Variants in CSF2RB observed in about 807,000 individuals in gnomAD.
CSF2RB encodes colony stimulating factor 2 receptor subunit beta, also known as cytokine receptor common subunit beta.
In CSF2RB, 22 loss-of-function variants were observed where a neutral mutation model predicts 67.2. The ratio of observed to expected loss-of-function variants is 0.33; its 90% CI spans 0.23 to 0.47. CSF2RB has a LOEUF of 0.47. Ranked by LOEUF, CSF2RB falls within the 20% of genes least tolerant of loss-of-function variation. CSF2RB has a pLI of 1.00. For synonymous variants in CSF2RB, 507 were observed against 482.9 expected, an observed-to-expected ratio of 1.05 and a Z score of -0.65; for missense variants, 1,113 against 1,174.5, an observed-to-expected ratio of 0.95 and a Z score of 0.76.
chr22:36,919,793 T>C (rs1479275683), intron 1 of CSF2RB, among the ~76,000 whole-genome samples: 3 of 152,224 alleles, frequency 2.0e-5, no homozygotes, highest in African/African-American at 7.2e-5. Flanking sequence ...TGTCTTCTTT[T>C]AAATGGCTAT....
chr22:36,925,302 C>A (rs1254385591), intron 3 of CSF2RB, among the ~76,000 whole-genome samples: 1 of 152,216 alleles, frequency 6.6e-6, no homozygotes, highest in African/African-American at 2.4e-5. Context: ...CACGCCACTT[C>A]CTGTCACCTG....
In CSF2RB at chr22:36,930,503, G is replaced by A; in HGVS notation, c.847G>A (p.Asp283Asn). The A allele has an allele frequency of 6.2e-7, 1 of 1,613,436 alleles. No homozygotes were observed. Among genetic ancestry groups the A allele is most frequent in the East Asian group, 2.2e-5 (1 of 44,882 alleles). The change falls in exon 7 of 14, where the codon GAT (aspartate) becomes AAT (asparagine). Residue 283 changes from aspartate (D) to asparagine (N), a missense_variant. Physicochemically the swap from Asp to Asn is conservative, Grantham distance 23. Around this residue, in one of 2 missense-constraint regions of CSF2RB, gnomAD observed 559 missense variants for 656.5 expected, o/e 0.85. Transcript: ENST00000403662. ...SFGLFYKPSP[D>N]AGEEECSPVL... ...TGGCCTATTCTACAAGCCCAGCCCA[G>A]ATGCAGGGTGAGCATCTTTTTTCTC...
intron 4 of CSF2RB, among the ~76,000 whole-genome samples, chr22:36,927,519 G>T (rs1214994966): frequency 2.0e-5 from 3 of 152,304 alleles, no homozygotes; most frequent in South Asian, 4.1e-4. Context: ...AGAGGCTGGG[G>T]GATCAGAAGG....
intron 6 of CSF2RB, 90 bp downstream of exon 6, chr22:36,929,897 T>G: frequency 1.3e-6 from 2 of 1,506,234 alleles, no homozygotes; most frequent in Non-Finnish European, 1.8e-6. Context: ...GGGCTCCACC[T>G]GGGGGCTTCC....
chr22:36,914,195 T>C (rs1940660379), intron 1 of CSF2RB, among the ~76,000 whole-genome samples: 1 of 152,064 alleles, frequency 6.6e-6, no homozygotes, highest in Non-Finnish European at 1.5e-5. Flanking sequence ...TTTGTGTGTG[T>C]GCCTGTGTGT....
intron 3 of CSF2RB, 36 bp downstream of exon 3, chr22:36,923,403 G>C: frequency 6.2e-7 from 1 of 1,606,774 alleles, no homozygotes; most frequent in Non-Finnish European, 8.5e-7. Flanking sequence ...ACGGGCAGGG[G>C]CTACGACGTC....
In CSF2RB at chr22:36,939,171, G is replaced by A; in HGVS notation, c.*669G>A. The A allele has an allele frequency of 2.8e-6, 2 of 702,302 alleles. No homozygotes were observed. The highest frequency in any genetic ancestry group is 5.2e-6 in the Non-Finnish European group (2 of 384,818). 43.5% of individuals were successfully genotyped at this position (702,302 alleles called of 1,614,324 possible). A position where few individuals can be genotyped will look rare whatever the true frequency, so the allele number is the denominator to read the frequency against. On this transcript the variant is annotated 3_prime_UTR_variant, in exon 14 of 14. Transcript: ENST00000403662. ...AAGGGACGCACATGAGAGACTGTTT[G>A]GGAGCTTCTGGGGAGCCCTGCTAGT... is the stretch of plus-strand genomic sequence containing the variant.
rs563870106 is a variant in CSF2RB at position 36,929,797 on chromosome 22, C to T, written c.708C>T (p.Asp236=). The T allele has an allele frequency of 1.2e-6, 2 of 1,613,762 alleles. No individual in the cohort carries two copies. Among genetic ancestry groups the T allele is most frequent in the South Asian group, 1.1e-5 (1 of 91,038 alleles). Residue 236 remains aspartate (D), a synonymous_variant, in exon 6 of 14, where the codon GAC becomes GAT. Transcript: ENST00000403662. ...AGTGGAGCCCAGAGGTTTGCTGGGACTCCCAGCCAGGTAATGTTGCCAGAG... is the reference window on the plus strand; with the variant it reads ...AGTGGAGCCCAGAGGTTTGCTGGGATTCCCAGCCAGGTAATGTTGCCAGAG... ...PSKWSPEVCW[D]SQPGDEAQPQ...
Position 36,932,688 on chromosome 22 carries a change from T to G in CSF2RB, c.1013-77T>G. 3.9e-6 allele frequency: 6 copies of G among 1,548,828 alleles called. No individual in the cohort carries two copies. In the East Asian group the frequency reaches 9.2e-5, roughly 24 times the overall value. The stretch of plus-strand genomic sequence containing the variant: ...CTGGTGCCAGTGGAGACAGCCCCAG[T>G]GTCTAGCATGAGACACGGGGAATGT... On this transcript the variant is annotated intron_variant, in intron 8 of 13. Transcript: ENST00000403662.
At position 36,922,181 on chromosome 22, in the gene CSF2RB, C is replaced by T. The variant is rs747081705; in HGVS notation, c.-27C>T. 1.9e-6 allele frequency: 3 copies of T among 1,559,438 alleles called. No homozygotes were observed. Among genetic ancestry groups the T allele is most frequent in the Admixed American group, 1.9e-5 (1 of 53,166 alleles). On this transcript the variant is annotated 5_prime_UTR_variant, in exon 2 of 14. Transcript: ENST00000403662. Reference sequence around the variant, plus strand: ...TGGCCAGCACCCACCAGTGCTGGTGCCTGCCTGTCCAGAGCTGACCAGGGA... The same window carrying T: ...TGGCCAGCACCCACCAGTGCTGGTGTCTGCCTGTCCAGAGCTGACCAGGGA...
rs947835858 is a variant in CSF2RB, at chr22:36,939,350, C to G, written c.*848C>G. ...TCTACTGCGGAAAAGTCAGGGGAAA[C>G]TGCCAAACAAAGGAAAATGCCCCAA... is the stretch of plus-strand genomic sequence containing the variant. On this transcript the variant is annotated 3_prime_UTR_variant, in exon 14 of 14. Coordinates refer to ENST00000403662, the MANE Select transcript of CSF2RB (RefSeq NM_000395.3). 30 of 688,732 alleles carry G rather than the reference C, an allele frequency of 4.4e-5. No individual in the cohort carries two copies. Among genetic ancestry groups the G allele is most frequent in the Non-Finnish European group, 6.1e-5 (23 of 377,778 alleles). 42.7% of individuals were successfully genotyped at this position (688,732 alleles called of 1,614,324 possible).
Position 36,922,220 on chromosome 22 carries a change from CA to C in CSF2RB, c.14del (p.Gln5ArgfsTer55). 2 of 1,589,648 alleles carry C rather than the reference CA, an allele frequency of 1.3e-6. No individual in the cohort carries two copies. The highest frequency in any genetic ancestry group is 1.7e-6 in the Non-Finnish European group (2 of 1,168,814). On this transcript the variant is annotated frameshift_variant, in exon 2 of 14. Coordinates refer to ENST00000403662, the MANE Select transcript of CSF2RB (RefSeq NM_000395.3). LOFTEE classifies it high-confidence loss of function. ...GCTGACCAGGGAGATGGTGCTGGCC[CA>C]GGGGCTGCTCTCCATGGCCCTGCTG... Reference protein sequence around the residue: MVLAQGLLSMALLAL... With the variant: MVLAXGLLSMALLAL...
rs546614181 is a variant in CSF2RB, at chr22:36,927,216, C to G, written c.391+1039C>G. ...CAGAGGAGGGGATCAGTTAGGCCAC[C>G]AGGAGTCCATCAGAAGCAACATTTC... On this transcript the variant is annotated intron_variant, in intron 4 of 13. Coordinates refer to ENST00000403662, the MANE Select transcript of CSF2RB (RefSeq NM_000395.3). Among the ~76,000 whole-genome samples the G allele has an allele frequency of 7.9e-5, 12 of 152,316 alleles. No homozygotes were observed. In the East Asian group the frequency reaches 9.6e-4, roughly 12 times the overall value.
At position 36,929,685 on chromosome 22, in the gene CSF2RB, C is replaced by T. The variant is rs761414020; in HGVS notation, c.596C>T (p.Pro199Leu). 1.2e-6 allele frequency: 2 copies of T among 1,614,210 alleles called. No individual in the cohort carries two copies. Among genetic ancestry groups the T allele is most frequent in the South Asian group, 2.2e-5 (2 of 91,090 alleles). Residue 199 changes from proline to leucine, a missense_variant, in exon 6 of 14, where the codon CCA becomes CTA. Pro to Leu is a moderately conservative substitution (Grantham distance 98). This residue lies in a region of CSF2RB where 559 missense variants were observed against 656.5 expected (regional missense o/e 0.85). Coordinates refer to ENST00000403662, the MANE Select transcript of CSF2RB (RefSeq NM_000395.3). ...AACACCTCCCAGGCCACCCTGGGGC[C>T]AGAGCACCTCATGCCCAGCAGCACC... ...LSNTSQATLG[P>L]EHLMPSSTYV...
intron 4 of CSF2RB, among the ~76,000 whole-genome samples, chr22:36,928,155 A>G (rs1488201959): frequency 6.6e-6 from 1 of 152,178 alleles, no homozygotes; most frequent in African/African-American, 2.4e-5. Context: ...TGGGCAGGCG[A>G]CAGGCATGCA....
In CSF2RB at chr22:36,929,682, G is replaced by A; in HGVS notation, c.593G>A (p.Gly198Glu). 1 of 1,614,168 alleles carries A rather than the reference G, an allele frequency of 6.2e-7. No individual in the cohort carries two copies. The highest frequency in any genetic ancestry group is 8.5e-7 in the Non-Finnish European group (1 of 1,180,016). The change falls in exon 6 of 14, where the codon GGG becomes GAG. Residue 198 changes from glycine to glutamate, a missense_variant. By Grantham distance (98) the Gly-to-Glu change is moderately conservative. Transcript: ENST00000403662. ...TCCAACACCTCCCAGGCCACCCTGG[G>A]GCCAGAGCACCTCATGCCCAGCAGC... ...LLSNTSQATL[G>E]PEHLMPSSTY...
In CSF2RB at chr22:36,938,119, C is replaced by T. The variant is rs896720507; in HGVS notation, c.2311C>T (p.Pro771Ser). The T allele has an allele frequency of 5.6e-6, 9 of 1,613,944 alleles. No homozygotes were observed. In the African/African-American group the frequency reaches 1.1e-4, roughly 19 times the overall value. ...GTTTGAGGGCTATGTGGAGCTCCCT[C>T]CAATTGAGGGCCGGTCCCCCAGGTC... is the stretch of plus-strand genomic sequence containing the variant. ...SGFEGYVELP[P>S]IEGRSPRSPR... Residue 771 changes from proline to serine, a missense_variant, in exon 14 of 14, where the codon CCA becomes TCA. By Grantham distance (74) the Pro-to-Ser change is moderately conservative (BLOSUM62 -1). Transcript: ENST00000403662.
At position 36,932,839 on chromosome 22, in the gene CSF2RB, A is replaced by G. The variant is rs377502179; in HGVS notation, c.1087A>G (p.Met363Val). ...CAGCCTGCGCTGGGAAACAATGAAA[A>G]TGCGATACGAACACATAGACCACAC... ...SYSLRWETMK[M>V]RYEHIDHTFE... is the part of the protein sequence containing the mutation. Residue 363 changes from methionine (M) to valine (V), a missense_variant, in exon 9 of 14, where the codon ATG (methionine) becomes GTG (valine). Physicochemically the swap from Met to Val is conservative, Grantham distance 21 (BLOSUM62 1). This residue lies in a region of CSF2RB where 559 missense variants were observed against 656.5 expected (regional missense o/e 0.85). Transcript: ENST00000403662. The G allele has an allele frequency of 9.9e-6, 16 of 1,614,072 alleles. No homozygotes were observed. The highest frequency in any genetic ancestry group is 1.4e-5 in the Non-Finnish European group (16 of 1,180,050).
chr22:36,936,370 C>T (rs1237164230), intron 12 of CSF2RB, among the ~76,000 whole-genome samples, 179 bp from the exon 13 acceptor site: 2 of 152,112 alleles, frequency 1.3e-5, no homozygotes, highest in Admixed American at 6.5e-5. Context: ...GGGGAAGTCC[C>T]CGCCCCTCTC....
Sources: gnomAD v4.1 joint callset for allele counts (sites outside exome capture counted in the v4.1 genomes callset) on GRCh38, gnomAD v4.1.1 for gene constraint, gnomAD v4.1.1 regional missense constraint, MANE v1.5 for transcripts, NCBI Gene and HGNC (gene_info 2026-07-23, HGNC 2026-07-21) for gene names.